TMPRSS4: variants seen among roughly 807,000 people sequenced by gnomAD.
The protein encoded by TMPRSS4 is transmembrane serine protease 4.
TMPRSS4 carries 45 observed loss-of-function variants against 56.4 expected under a neutral mutation model. The observed-to-expected ratio is 0.80, with a 90% CI of 0.63 to 1.02. The LOEUF is 1.02. TMPRSS4 is among the 50% of genes least tolerant of loss of function. TMPRSS4 has a pLI of 0.00. For missense variants in TMPRSS4, 546 were observed against 556.7 expected, an observed-to-expected ratio of 0.98 and a Z score of 0.19; for synonymous variants, 205 against 211.0, an observed-to-expected ratio of 0.97 and a Z score of 0.25.
At chr11:118,113,656 G>T (rs1399102424) in intron 9 of TMPRSS4, among the ~76,000 whole-genome samples, 1 of 152,184 alleles carries the variant, frequency 6.6e-6, no homozygotes, top group Non-Finnish European at 1.5e-5. Context: ...ATTCTTCCAA[G>T]GCCTGTCTTC....
chr11:118,107,804 C>T lies in TMPRSS4; in HGVS notation c.471C>T (p.Gly157=), dbSNP rs373592325. 2 of 1,614,102 alleles carry T rather than the reference C, an allele frequency of 1.2e-6. No individual in the cohort carries two copies. The highest frequency in any genetic ancestry group is 2.7e-5 in the African/African-American group (2 of 75,036). Residue 157 remains glycine (G), a synonymous_variant, in exon 6 of 13, where the codon GGC becomes GGT. Coordinates refer to ENST00000437212, the MANE Select transcript of TMPRSS4 (RefSeq NM_019894.4). The stretch of plus-strand genomic sequence containing the variant: ...CCACTTTCAGAGCTGTGGAGATTGG[C>T]CCAGACCAGGATCTGGATGTTGTTG... ...SKPTFRAVEI[G]PDQDLDVVEI...
At chr11:118,100,064 A>G (rs1946659710) in intron 3 of TMPRSS4, among the ~76,000 whole-genome samples, 1 of 152,174 alleles carries the variant, frequency 6.6e-6, no homozygotes. Context: ...ACTAGGAATC[A>G]GGACACCCGA....
At chr11:118,114,148 T>C (rs1047523048) in intron 9 of TMPRSS4, among the ~76,000 whole-genome samples, 3 of 152,236 alleles carry the variant, frequency 2.0e-5, no homozygotes, top group Admixed American at 6.5e-5. Context: ...GCTACTTCTA[T>C]TAGCATCCCA....
intron 9 of TMPRSS4, among the ~76,000 whole-genome samples, chr11:118,113,944 G>C (rs1425044154): frequency 6.6e-6 from 1 of 152,192 alleles, no homozygotes; most frequent in South Asian, 2.1e-4. Flanking sequence ...CAACTGTGGG[G>C]TCCACAAGAC....
chr11:118,115,038 C>A (rs1425428154), intron 10 of TMPRSS4, 100 bp from the exon 11 acceptor site: 1 of 1,550,820 alleles, frequency 6.4e-7, no homozygotes, highest in African/African-American at 1.4e-5. Context: ...TCCTGGAGGA[C>A]CAAGCACCAA....
chr11:118,091,960 A>C (rs1264749860), intron 1 of TMPRSS4, among the ~76,000 whole-genome samples: 1 of 152,220 alleles, frequency 6.6e-6, no homozygotes, highest in Non-Finnish European at 1.5e-5. Flanking sequence ...CTCAAAGTTC[A>C]GTCCAGTTCA....
chr11:118,091,265 C>T (rs930109571), intron 1 of TMPRSS4, among the ~76,000 whole-genome samples: 1 of 152,176 alleles, frequency 6.6e-6, no homozygotes, highest in Non-Finnish European at 1.5e-5. Flanking sequence ...TGCCTTGCTC[C>T]AGCCATGCCC....
At chr11:118,079,654 G>A (rs973861682) in intron 1 of TMPRSS4, among the ~76,000 whole-genome samples, 13 of 152,310 alleles carry the variant, frequency 8.5e-5, no homozygotes, top group Admixed American at 3.3e-4. Context: ...TGACGCTTCC[G>A]GCTGCTCTGG....
At chr11:118,117,283 T>C (rs1947614238) in intron 11 of TMPRSS4, 22 bp from the exon 12 acceptor site, 1 of 1,613,514 alleles carries the variant, frequency 6.2e-7, no homozygotes, top group African/African-American at 1.3e-5. Flanking sequence ...TCCCCAGCAG[T>C]CTCTGTTCTG....
chr11:118,100,107 C>G (rs901337826), intron 3 of TMPRSS4, among the ~76,000 whole-genome samples: 1 of 152,096 alleles, frequency 6.6e-6, no homozygotes, highest in Non-Finnish European at 1.5e-5. Context: ...CTTGCTGCTG[C>G]GTGACCTTGA....
At chr11:118,099,650 T>C (rs1186023635) in intron 3 of TMPRSS4, among the ~76,000 whole-genome samples, 2 of 152,088 alleles carry the variant, frequency 1.3e-5, no homozygotes, top group African/African-American at 2.4e-5. Context: ...AACCCACACA[T>C]GCAATTTGCA....
chr11:118,118,223 G>T lies in TMPRSS4; in HGVS notation c.*310G>T. The T allele has an allele frequency of 7.7e-7, 1 of 1,300,522 alleles. No homozygotes were observed. Among genetic ancestry groups the T allele is most frequent in the Non-Finnish European group, 9.8e-7 (1 of 1,023,762 alleles). The allele number at this position is 1,300,522 out of a possible 1,614,324, so 80.6% of individuals were successfully genotyped here. ...CAAGAAGGAACTTTCCCACACTACT[G>T]AATGGAAGCAGGCTGTCTTGTAAAA... On this transcript the variant is annotated 3_prime_UTR_variant, in exon 13 of 13. Coordinates refer to ENST00000437212, the MANE Select transcript of TMPRSS4 (RefSeq NM_019894.4).
intron 7 of TMPRSS4, among the ~76,000 whole-genome samples, chr11:118,110,358 T>G (rs1180033204): frequency 7.0e-6 from 1 of 143,058 alleles, no homozygotes; most frequent in Non-Finnish European, 1.5e-5. Flanking sequence ...TTTTTTTTTT[T>G]GAGACCAAGT....
downstream of TMPRSS4, among the ~76,000 whole-genome samples, chr11:118,124,391 A>C (rs1947852569): frequency 6.8e-6 from 1 of 147,446 alleles, no homozygotes; most frequent in Non-Finnish European, 1.5e-5. Flanking sequence ...CTCAACAAAA[A>C]ACAAAACAAA....
At chr11:118,105,122 CTCCTT>C (rs1264230005) in intron 5 of TMPRSS4, among the ~76,000 whole-genome samples, 1 of 152,208 alleles carries the variant, frequency 6.6e-6, no homozygotes, top group Non-Finnish European at 1.5e-5. Flanking sequence ...ATGCAGTCCT[CTCCTT>C]TCCTTTACTC....
At chr11:118,103,336 GC>G (rs1372108404) in intron 4 of TMPRSS4, 83 bp downstream of exon 4, 22 of 1,490,420 alleles carry the variant, frequency 1.5e-5, no homozygotes, top group Non-Finnish European at 2.0e-5. Context: ...CATAGTATCT[GC>G]CCCCTACTTG....
chr11:118,097,069 G>GGAAAGGAAAGGAAAGGAA (rs1565423938), intron 2 of TMPRSS4, among the ~76,000 whole-genome samples: 292 of 22,920 alleles, frequency 0.013, 25 homozygotes, highest in African/African-American at 0.03. Context: ...AAGGAAAGGA[G>GGAAAGGAAAGGAAAGGAA]GTAGTAGAAG....
At chr11:118,102,164 T>TC (rs1186919493) in intron 3 of TMPRSS4, among the ~76,000 whole-genome samples, 1 of 151,580 alleles carries the variant, frequency 6.6e-6, no homozygotes. Flanking sequence ...TCCTCCCGCC[T>TC]CCCCCCGACA....
intron 1 of TMPRSS4, among the ~76,000 whole-genome samples, chr11:118,085,320 T>A (rs1476097246): frequency 1.3e-5 from 2 of 150,838 alleles, no homozygotes; most frequent in African/African-American, 2.4e-5. Context: ...GCCTCCCAGG[T>A]TCAAGCGATT....
Sources: gnomAD v4.1 joint callset for allele counts (sites outside exome capture counted in the v4.1 genomes callset) on GRCh38, gnomAD v4.1.1 for gene constraint, MANE v1.5 for transcripts, NCBI Gene and HGNC (gene_info 2026-07-23, HGNC 2026-07-21) for gene names.